The following CDIN1 variants were observed in gnomAD, a reference collection of about 807,000 sequenced individuals.
CDIN1 encodes CDAN1 interacting nuclease 1.
A neutral mutation model predicts 45.3 loss-of-function variants in CDIN1; 33 were observed. The ratio of observed to expected loss-of-function variants is 0.73; its 90% CI spans 0.55 to 0.97. The LOEUF is 0.97. CDIN1 is among the 50% of genes least tolerant of loss of function. The pLI is 0.00. For missense variants in CDIN1, 303 were observed against 339.4 expected (o/e 0.89, Z 0.84); for synonymous variants, 118 against 124.4 (o/e 0.95, Z 0.34).
At chr15:36,737,167 C>CAAA (rs965614774) in intron 10 of CDIN1, among the ~76,000 whole-genome samples, 2,863 of 98,326 alleles carry the variant, frequency 0.029, 117 homozygotes, top group African/African-American at 0.098. Flanking sequence ...GACCCGGTCT[C>CAAA]AAAAAAAAAA....
rs75722620 is a variant in CDIN1 at position 36,607,907 on chromosome 15, A to G, written c.101+27946A>G. Among the ~76,000 whole-genome samples, 987 of 152,276 alleles carry G rather than the reference A, an allele frequency of 6.5e-3. 12 individuals carry two copies. Among genetic ancestry groups the G allele is most frequent in the African/African-American group, 0.022 (931 of 41,560 alleles). On this transcript the variant is annotated intron_variant, in intron 1 of 10. Coordinates refer to ENST00000566621, the MANE Select transcript of CDIN1 (RefSeq NM_001321759.2). Reference sequence around the variant, plus strand: ...TTCAGTCCTAGGCGATCACTAATCTACTAGATGTTTCTACCGATTTGCCTA... The same window carrying G: ...TTCAGTCCTAGGCGATCACTAATCTGCTAGATGTTTCTACCGATTTGCCTA...
At chr15:36,733,631 G>A (rs940354519) in intron 10 of CDIN1, among the ~76,000 whole-genome samples, 1 of 151,950 alleles carries the variant, frequency 6.6e-6, no homozygotes, top group Non-Finnish European at 1.5e-5. Flanking sequence ...TTTTAAATCT[G>A]TGATTAGAAA....
intron 10 of CDIN1, among the ~76,000 whole-genome samples, chr15:36,737,477 CAG>C (rs2044073663): frequency 6.6e-6 from 1 of 152,178 alleles, no homozygotes; most frequent in Admixed American, 6.5e-5. Context: ...ATTGCTGTGA[CAG>C]GGACTACATG....
intron 10 of CDIN1, among the ~76,000 whole-genome samples, chr15:36,780,115 T>C (rs1350551308): frequency 6.6e-6 from 1 of 152,194 alleles, no homozygotes; most frequent in African/African-American, 2.4e-5. Context: ...TGTATAAAGA[T>C]ATTGGGAACA....
In CDIN1 at chr15:36,810,105, CTG is replaced by C. The variant is rs2055349690; in HGVS notation, c.*1654_*1655del. 1 of 152,062 alleles carries C rather than the reference CTG, an allele frequency of 6.6e-6. No individual in the cohort carries two copies. The highest frequency in any genetic ancestry group is 2.1e-4 in the South Asian group (1 of 4,828). 9.4% of individuals were successfully genotyped at this position (152,062 alleles called of 1,614,324 possible). ...AGCAGGTTTCCTGGCATGTTCTAAA[CTG>C]TTTTTTCTTTAGGAATAAATTACAT... On this transcript the variant is annotated 3_prime_UTR_variant, in exon 11 of 11. Coordinates refer to ENST00000566621, the MANE Select transcript of CDIN1 (RefSeq NM_001321759.2).
intron 1 of CDIN1, among the ~76,000 whole-genome samples, chr15:36,632,182 G>T (rs2039707142): frequency 6.6e-6 from 1 of 152,072 alleles, no homozygotes; most frequent in African/African-American, 2.4e-5. Flanking sequence ...TTCCAAAGCG[G>T]CTACACCATT....
intron 1 of CDIN1, among the ~76,000 whole-genome samples, chr15:36,610,465 G>A (rs919050656): frequency 1.3e-5 from 2 of 152,206 alleles, no homozygotes; most frequent in Admixed American, 6.5e-5. Flanking sequence ...TTAATGAGAT[G>A]TTGGCTTTTG....
intron 10 of CDIN1, among the ~76,000 whole-genome samples, chr15:36,713,220 C>CAG (rs765205479): frequency 4.6e-5 from 7 of 152,094 alleles, no homozygotes; most frequent in Non-Finnish European, 7.4e-5. Context: ...CCTTAAATGA[C>CAG]AGAGAAAGAG....
intron 10 of CDIN1, among the ~76,000 whole-genome samples, chr15:36,786,171 T>TTTAATTAGAG (rs2054485535): frequency 6.6e-6 from 1 of 152,228 alleles, no homozygotes; most frequent in South Asian, 2.1e-4. Context: ...TTGACTTCAC[T>TTTAATTAGAG]TTAATTAGAG....
chr15:36,800,532 A>G (rs1375978285), intron 10 of CDIN1, among the ~76,000 whole-genome samples: 1 of 152,182 alleles, frequency 6.6e-6, no homozygotes, highest in Non-Finnish European at 1.5e-5. Context: ...TTGGACTGAA[A>G]GGTTATTTAC....
At chr15:36,807,674 A>G (rs778740023) in intron 10 of CDIN1, among the ~76,000 whole-genome samples, 2 of 152,172 alleles carry the variant, frequency 1.3e-5, no homozygotes, top group Non-Finnish European at 2.9e-5. Context: ...CTTTGTCACA[A>G]GCCTATATGA....
chr15:36,614,103 T>C, intron 1 of CDIN1: 1 of 798,286 alleles, frequency 1.3e-6, no homozygotes, highest in Admixed American at 1.7e-5. Context: ...GTAGCCAAGC[T>C]GGAAATGACT....
At chr15:36,792,178 T>G (rs935476106) in intron 10 of CDIN1, among the ~76,000 whole-genome samples, 1 of 152,122 alleles carries the variant, frequency 6.6e-6, no homozygotes, top group Non-Finnish European at 1.5e-5. Context: ...TTCAACTCAG[T>G]GAAATCAAAC....
At chr15:36,607,368 C>T (rs766672060) in intron 1 of CDIN1, among the ~76,000 whole-genome samples, 7 of 151,988 alleles carry the variant, frequency 4.6e-5, no homozygotes, top group African/African-American at 1.2e-4. Context: ...CAGGAGAATA[C>T]GAGGAGGTAA....
chr15:36,800,859 A>ATG (rs1175053288), intron 10 of CDIN1, among the ~76,000 whole-genome samples: 52 of 93,742 alleles, frequency 5.5e-4, no homozygotes, highest in African/African-American at 1.8e-3. Context: ...GATTATACAT[A>ATG]TGTGTGTGTG....
Position 36,598,286 on chromosome 15 carries a change from C to T in CDIN1, c.101+18325C>T, listed in dbSNP as rs140393929. ...GGATTACAGGTGTGAGCCACCACAC[C>T]TGACCTGACTTAGTTATTATTAGTT... On this transcript the variant is annotated intron_variant, in intron 1 of 10. Transcript: ENST00000566621. Among the ~76,000 whole-genome samples the T allele has an allele frequency of 6.6e-5, 10 of 152,344 alleles. No individual in the cohort carries two copies. In the East Asian group the frequency reaches 1.9e-3, roughly 29 times the overall value.
chr15:36,661,701 A>G (rs1566877146), intron 5 of CDIN1, among the ~76,000 whole-genome samples: 1 of 152,178 alleles, frequency 6.6e-6, no homozygotes, highest in African/African-American at 2.4e-5. Flanking sequence ...ATTTTAGCAC[A>G]GGTCCTGCTC....
At chr15:36,590,305 T>G (rs1467552436) in intron 1 of CDIN1, among the ~76,000 whole-genome samples, 2 of 152,230 alleles carry the variant, frequency 1.3e-5, no homozygotes, top group Non-Finnish European at 2.9e-5. Context: ...CTATTTCTTT[T>G]ATGTGTTTGA....
At chr15:36,771,876 A>ATC (rs2054087223) in intron 10 of CDIN1, among the ~76,000 whole-genome samples, 2 of 150,544 alleles carry the variant, frequency 1.3e-5, no homozygotes, top group African/African-American at 4.9e-5. Context: ...TGCAGTGAGC[A>ATC]GAGATGGCGC....
Sources: allele counts gnomAD v4.1 joint callset (sites outside exome capture counted in the v4.1 genomes callset), GRCh38; gene constraint gnomAD v4.1.1; transcripts MANE v1.5; gene names NCBI Gene and HGNC (gene_info 2026-07-23, HGNC 2026-07-21).